The following USPL1 variants were observed in gnomAD, a reference collection of about 807,000 sequenced individuals.
The protein encoded by USPL1 is ubiquitin specific peptidase like 1, also known as SUMO-specific isopeptidase USPL1.
A neutral mutation model predicts 51.5 loss-of-function variants in USPL1; 27 were observed. That is an observed-to-expected ratio of 0.52 (90% CI 0.39 to 0.72). USPL1 has a LOEUF of 0.72. Ranked by LOEUF, USPL1 falls within the 30% of genes least tolerant of loss-of-function variation. The pLI, the probability that USPL1 is intolerant of heterozygous loss-of-function variation, is 0.00. For synonymous variants in USPL1, 451 were observed against 459.6 expected, an observed-to-expected ratio of 0.98 and a Z score of 0.24; for missense variants, 1,226 against 1,268.0, an observed-to-expected ratio of 0.97 and a Z score of 0.50.
rs575695240 is a variant in USPL1 at position 30,643,178 on chromosome 13, C to G, written c.1112+421C>G. On this transcript the variant is annotated intron_variant, in intron 6 of 8. Transcript: ENST00000255304. ...TTCTTCCCGTAGTCCTGTGAAAGAC[C>G]AGCCACCTCCAGAAGCCTACACATG... Among the ~76,000 whole-genome samples, 5 of 152,242 alleles carry G rather than the reference C, an allele frequency of 3.3e-5. No individual in the cohort carries two copies. In the East Asian group the frequency reaches 9.6e-4, roughly 29 times the overall value.
At chr13:30,624,347 G>T (rs1419729100) in intron 3 of USPL1, among the ~76,000 whole-genome samples, 2 of 152,194 alleles carry the variant, frequency 1.3e-5, no homozygotes, top group Non-Finnish European at 2.9e-5. Context: ...AGGCACAGTG[G>T]CTGACAACTG....
intron 5 of USPL1, among the ~76,000 whole-genome samples, chr13:30,639,280 A>G (rs1047117812): frequency 6.6e-6 from 1 of 151,648 alleles, no homozygotes; most frequent in African/African-American, 2.4e-5. Context: ...GTGTATATAT[A>G]TATATCGGGA....
chr13:30,621,488 G>A (rs540621279), intron 2 of USPL1, among the ~76,000 whole-genome samples: 4 of 151,958 alleles, frequency 2.6e-5, no homozygotes, highest in South Asian at 4.2e-4. Context: ...AAATTCTCCC[G>A]GGTAATTGAT....
intron 5 of USPL1, among the ~76,000 whole-genome samples, chr13:30,641,123 A>G (rs144529057): frequency 6.6e-6 from 1 of 152,346 alleles, no homozygotes; most frequent in African/African-American, 2.4e-5. Flanking sequence ...TTTAACCTCA[A>G]TTGTGCATTA....
chr13:30,643,678 C>T (rs1480433508), intron 6 of USPL1, among the ~76,000 whole-genome samples: 5 of 146,390 alleles, frequency 3.4e-5, no homozygotes, highest in African/African-American at 5.2e-5. Flanking sequence ...AGCGTGATCC[C>T]GGCTCACTGC....
chr13:30,642,835 G>C, intron 6 of USPL1, 78 bp downstream of exon 6: 4 of 1,517,976 alleles, frequency 2.6e-6, no homozygotes, highest in South Asian at 1.2e-5. Flanking sequence ...TTGAGCACCA[G>C]ACACTACAGT....
chr13:30,658,895 A>G lies in USPL1; in HGVS notation c.2818A>G (p.Asn940Asp), dbSNP rs1951212969. The change falls in exon 9 of 9, where the codon AAT (asparagine) becomes GAT (aspartate). Residue 940 changes from asparagine to aspartate, a missense_variant. Asn to Asp is a conservative substitution (Grantham distance 23, BLOSUM62 1). Coordinates refer to ENST00000255304, the MANE Select transcript of USPL1 (RefSeq NM_005800.5). ...NDCESIEDLLNELPYPIDIAS... is the reference protein window; with the variant it reads ...NDCESIEDLLDELPYPIDIAS... ...TTGTGAATCAATAGAGGACTTGTTAAATGAGCTACCATATCCAATTGATAT... is the reference window on the plus strand; with the variant it reads ...TTGTGAATCAATAGAGGACTTGTTAGATGAGCTACCATATCCAATTGATAT... 1 of 1,614,052 alleles carries G rather than the reference A, an allele frequency of 6.2e-7. No homozygotes were observed. The highest frequency in any genetic ancestry group is 1.1e-5 in the South Asian group (1 of 91,088).
At chr13:30,622,414 C>T (rs1343828701) in intron 3 of USPL1, among the ~76,000 whole-genome samples, 1 of 152,136 alleles carries the variant, frequency 6.6e-6, no homozygotes, top group African/African-American at 2.4e-5. Flanking sequence ...TTTTATATAG[C>T]AGCTCATTAA....
intron 4 of USPL1, among the ~76,000 whole-genome samples, chr13:30,633,143 G>A (rs1950830011): frequency 6.6e-6 from 1 of 152,090 alleles, no homozygotes; most frequent in Admixed American, 6.5e-5. Flanking sequence ...TTTAACCCGA[G>A]GTCTGAAAGT....
intron 7 of USPL1, among the ~76,000 whole-genome samples, chr13:30,647,355 A>C (rs1044786304): frequency 1.2e-4 from 18 of 151,950 alleles, no homozygotes; most frequent in African/African-American, 4.4e-4. Flanking sequence ...TCCTCTGCCA[A>C]GTGTATGGAG....
At chr13:30,619,124 A>G (rs549474478) in intron 1 of USPL1, among the ~76,000 whole-genome samples, 120 of 152,130 alleles carry the variant, frequency 7.9e-4, no homozygotes, top group Non-Finnish European at 1.2e-3. Flanking sequence ...GGGAAGGAGG[A>G]GCAGATTGTT....
chr13:30,632,477 G>A (rs1238279854), intron 4 of USPL1, among the ~76,000 whole-genome samples: 1 of 137,346 alleles, frequency 7.3e-6, no homozygotes, highest in Non-Finnish European at 1.5e-5. Context: ...GCGATGGCAT[G>A]ATCTCAGCTC....
Position 30,631,299 on chromosome 13 carries a change from T to C in USPL1, c.693T>C (p.Asn231=), listed in dbSNP as rs773571778. The change falls in exon 4 of 9, where the codon AAT becomes AAC. Residue 231 remains asparagine (N), a synonymous_variant. Coordinates refer to ENST00000255304, the MANE Select transcript of USPL1 (RefSeq NM_005800.5). ...AGGCTTTATGTGTCCAGTGGAAAAA[T>C]GCTTATGCTCTCTGTTGGTTAGACT... ...FPQALCVQWK[N]AYALCWLDCI... is the part of the protein sequence containing the mutation. The C allele has an allele frequency of 6.8e-6, 11 of 1,613,990 alleles. No homozygotes were observed. The East Asian group carries it at 1.1e-4, about 16-fold the overall frequency.
chr13:30,619,799 A>G (rs1447853576), intron 1 of USPL1, among the ~76,000 whole-genome samples: 2 of 152,160 alleles, frequency 1.3e-5, no homozygotes, highest in Non-Finnish European at 1.5e-5. Flanking sequence ...GAACCAGCCA[A>G]AGGTAATAAG....
intron 5 of USPL1, among the ~76,000 whole-genome samples, chr13:30,640,579 A>C (rs927889959): frequency 1.3e-5 from 2 of 152,062 alleles, no homozygotes; most frequent in Non-Finnish European, 2.9e-5. Context: ...AATCCCAGCT[A>C]CTCGGGAGGC....
chr13:30,631,324 T>A lies in USPL1; in HGVS notation c.718T>A (p.Cys240Ser). 1 of 1,614,204 alleles carries A rather than the reference T, an allele frequency of 6.2e-7. No individual in the cohort carries two copies. The highest frequency in any genetic ancestry group is 8.5e-7 in the Non-Finnish European group (1 of 1,180,038). ...TGCTTATGCTCTCTGTTGGTTAGAC[T>A]GTATCCTGTCAGCTTTGGTGCACTC... ...KNAYALCWLD[C>S]ILSALVHSEE... Residue 240 changes from cysteine to serine, a missense_variant, in exon 4 of 9, where the codon TGT becomes AGT. Coordinates refer to ENST00000255304, the MANE Select transcript of USPL1 (RefSeq NM_005800.5).
chr13:30,644,750 A>G (rs1950995549), intron 6 of USPL1, among the ~76,000 whole-genome samples: 1 of 152,160 alleles, frequency 6.6e-6, no homozygotes, highest in Admixed American at 6.6e-5. Flanking sequence ...CCCCTCTCCA[A>G]AGGGCCTGTT....
chr13:30,629,353 G>A (rs1239404847), intron 3 of USPL1, among the ~76,000 whole-genome samples: 6 of 152,032 alleles, frequency 3.9e-5, no homozygotes, highest in Non-Finnish European at 5.9e-5. Flanking sequence ...AAAATACCGT[G>A]GCAGGCGCCT....
At position 30,657,630 on chromosome 13, in the gene USPL1, A is replaced by T; in HGVS notation, c.1553A>T (p.Asn518Ile). 1 of 1,614,220 alleles carries T rather than the reference A, an allele frequency of 6.2e-7. No individual in the cohort carries two copies. The highest frequency in any genetic ancestry group is 8.5e-7 in the Non-Finnish European group (1 of 1,180,036). Residue 518 changes from asparagine (N) to isoleucine (I), a missense_variant, in exon 9 of 9, where the codon AAT becomes ATT. Asn to Ile is a moderately radical substitution (Grantham distance 149). Coordinates refer to ENST00000255304, the MANE Select transcript of USPL1 (RefSeq NM_005800.5). ...GCCTGCCTTCCACTTAAAAAGACTA[A>T]TGACCAACACGCTCTCAGTAATGAG... The part of the protein sequence containing the change: ...EAACLPLKKT[N>I]DQHALSNEKP...
Sources: allele counts gnomAD v4.1 joint callset (sites outside exome capture counted in the v4.1 genomes callset), GRCh38; gene constraint gnomAD v4.1.1; transcripts MANE v1.5; gene names NCBI Gene and HGNC (gene_info 2026-07-23, HGNC 2026-07-21).